The following DCAF6 variants were observed in gnomAD, a reference collection of about 807,000 sequenced individuals.
DCAF6 encodes the protein DDB1- and CUL4-associated factor 6.
In DCAF6, 54 loss-of-function variants were observed where a neutral mutation model predicts 125.1. The ratio of observed to expected loss-of-function variants is 0.43; its 90% CI spans 0.35 to 0.54. The LOEUF (loss-of-function observed/expected upper bound fraction) is 0.54, where lower values mean the gene tolerates loss of function less well. DCAF6 is among the 20% of genes least tolerant of loss of function. DCAF6 has a pLI of 0.01. For synonymous variants in DCAF6, 371 were observed against 390.4 expected (o/e 0.95, Z 0.58); for missense variants, 934 against 1,161.7 (o/e 0.80, Z 2.85).
At chr1:167,989,660 A>G (rs1317018405) in intron 5 of DCAF6, among the ~76,000 whole-genome samples, 1 of 152,348 alleles carries the variant, frequency 6.6e-6, no homozygotes, top group East Asian at 1.9e-4. Flanking sequence ...AGGCGGGCAG[A>G]TCACCTGAGG....
chr1:168,056,316 C>A, intron 17 of DCAF6: 1 of 1,604,306 alleles, frequency 6.2e-7, no homozygotes, highest in Non-Finnish European at 8.5e-7. Context: ...ACGGACGGCG[C>A]CCACCCCCAG....
intron 10 of DCAF6, among the ~76,000 whole-genome samples, chr1:168,014,451 C>T (rs1417975371): frequency 6.6e-6 from 1 of 152,192 alleles, no homozygotes; most frequent in African/African-American, 2.4e-5. Context: ...CCTCAAGATT[C>T]AGTTCTTAGA....
intron 21 of DCAF6, 67 bp downstream of exon 21, chr1:168,068,530 G>A (rs890208623): frequency 2.5e-5 from 20 of 803,140 alleles, no homozygotes; most frequent in East Asian, 2.4e-4. Context: ...TTTAAGATCT[G>A]CTTTAAAGGG....
chr1:167,963,559 G>A (rs1571692964), intron 2 of DCAF6, among the ~76,000 whole-genome samples: 1 of 148,906 alleles, frequency 6.7e-6, no homozygotes, highest in East Asian at 2.0e-4. Flanking sequence ...TCCTGCCTCA[G>A]CCTCCTGAGT....
chr1:167,903,954 C>A, the DCAF6 span: 1 of 1,613,998 alleles, frequency 6.2e-7, no homozygotes, highest in East Asian at 2.2e-5. Context: ...TGTCCATGTA[C>A]ATGGCACTGC....
At chr1:168,019,652 G>C in intron 11 of DCAF6, 1 of 280,604 alleles carries the variant, frequency 3.6e-6, no homozygotes, top group Middle Eastern at 4.6e-4. Flanking sequence ...CATGGAGCCA[G>C]CCTAGAGAGG....
At chr1:167,937,133 TG>T (rs1671388265) in intron 1 of DCAF6, 125 bp downstream of exon 1, 1 of 778,076 alleles carries the variant, frequency 1.3e-6, no homozygotes, top group African/African-American at 1.8e-5. Flanking sequence ...TCTGGGGTGT[TG>T]GGTGGGGCCT....
chr1:167,877,112 G>A, the DCAF6 span, among the ~76,000 whole-genome samples: 17 of 151,710 alleles, frequency 1.1e-4, no homozygotes, highest in African/African-American at 3.4e-4. Flanking sequence ...GTGATTGCCC[G>A]TAAGGTCACA....
chr1:167,971,929 C>T (rs530405408), intron 3 of DCAF6, among the ~76,000 whole-genome samples: 3 of 152,186 alleles, frequency 2.0e-5, no homozygotes, highest in South Asian at 4.1e-4. Flanking sequence ...ATTCTCAGCT[C>T]ACTGCAACCT....
the DCAF6 span, among the ~76,000 whole-genome samples, chr1:167,926,498 T>C: frequency 6.6e-6 from 1 of 152,250 alleles, no homozygotes; most frequent in East Asian, 1.9e-4. Flanking sequence ...ATGAAGCCAC[T>C]GAGTTTCAGA....
At chr1:168,023,073 G>C in intron 12 of DCAF6, 26 bp downstream of exon 12, 1 of 1,611,976 alleles carries the variant, frequency 6.2e-7, no homozygotes, top group Non-Finnish European at 8.5e-7. Flanking sequence ...GATGCGCTAT[G>C]CCCATCCATC....
chr1:167,897,528 T>G, the DCAF6 span, among the ~76,000 whole-genome samples: 1 of 11,050 alleles, frequency 9.0e-5, no homozygotes, highest in Non-Finnish European at 1.3e-4. Context: ...TATATATATA[T>G]AGAGAGAGAG....
At chr1:167,909,481 C>T in the DCAF6 span, among the ~76,000 whole-genome samples, 22 of 152,252 alleles carry the variant, frequency 1.4e-4, no homozygotes, top group Admixed American at 3.3e-4. Flanking sequence ...GGGCCACATG[C>T]GGTCCAGGAT....
At chr1:167,901,723 C>T in the DCAF6 span, 1 of 1,614,082 alleles carries the variant, frequency 6.2e-7, no homozygotes, top group East Asian at 2.2e-5. Flanking sequence ...ATCCATGGAT[C>T]TCCAGGCTAC....
chr1:168,048,416 G>A (rs1689406487), intron 16 of DCAF6, among the ~76,000 whole-genome samples: 1 of 152,034 alleles, frequency 6.6e-6, no homozygotes, highest in South Asian at 2.1e-4. Context: ...TTTTTAAAAG[G>A]AAACTTTAAA....
chr1:168,027,322 G>A (rs1686467654), intron 12 of DCAF6, among the ~76,000 whole-genome samples: 1 of 152,070 alleles, frequency 6.6e-6, no homozygotes, highest in Admixed American at 6.6e-5. Flanking sequence ...TGTTTATAGA[G>A]TAAACAGATT....
At chr1:168,029,699 G>A (rs1686803978) in intron 12 of DCAF6, among the ~76,000 whole-genome samples, 1 of 152,266 alleles carries the variant, frequency 6.6e-6, no homozygotes, top group South Asian at 2.1e-4. Flanking sequence ...TCATGTCTAA[G>A]GCCGGGCGTG....
chr1:167,937,238 G>A (rs937738509), intron 1 of DCAF6: 4 of 593,266 alleles, frequency 6.7e-6, no homozygotes, highest in African/African-American at 1.9e-5. Context: ...CGGAGGGCCG[G>A]GCCGTGGGCA....
At chr1:168,070,851 T>C (rs1692931023) in intron 21 of DCAF6, among the ~76,000 whole-genome samples, 1 of 152,190 alleles carries the variant, frequency 6.6e-6, no homozygotes, top group South Asian at 2.1e-4. Flanking sequence ...AAAATTCTCC[T>C]TTGCCCACAC....
Sources: gnomAD v4.1 joint callset for allele counts (sites outside exome capture counted in the v4.1 genomes callset) on GRCh38, gnomAD v4.1.1 for gene constraint, MANE v1.5 for transcripts, NCBI Gene and HGNC (gene_info 2026-07-23, HGNC 2026-07-21) for gene names.